The following FBF1 variants were observed in gnomAD, a reference collection of about 807,000 sequenced individuals.
FBF1 encodes Fas binding factor 1.
In FBF1, 119 loss-of-function variants were observed where a neutral mutation model predicts 147.2. The ratio of observed to expected loss-of-function variants is 0.81; its 90% confidence interval spans 0.70 to 0.94. The LOEUF (loss-of-function observed/expected upper bound fraction) is 0.94, where lower values mean the gene tolerates loss of function less well. FBF1 is among the 40% of genes least tolerant of loss of function. The pLI, the probability that FBF1 is intolerant of heterozygous loss-of-function variation, is 0.00. For synonymous variants in FBF1, 601 were observed against 609.0 expected, an observed-to-expected ratio of 0.99 and a Z score of 0.19; for missense variants, 1,449 against 1,500.8, an observed-to-expected ratio of 0.97 and a Z score of 0.57.
chr17:75,930,943 A>C (rs772072523), intron 6 of FBF1, among the ~76,000 whole-genome samples: 16 of 152,016 alleles, frequency 1.1e-4, no homozygotes, highest in Non-Finnish European at 2.4e-4. Context: ...ACAACAACAA[A>C]AATTAGCCAG....
intron 5 of FBF1, 59 bp from the exon 6 acceptor site, chr17:75,931,348 A>C: frequency 6.8e-7 from 1 of 1,474,832 alleles, no homozygotes; most frequent in South Asian, 1.2e-5. Flanking sequence ...GACTCTAAAA[A>C]GGGGAGGAGT....
At position 75,923,687 on chromosome 17, in the gene FBF1, C is replaced by A. The variant is rs144058298; in HGVS notation, c.969-46G>T. ...TGTCAGGCAGGGGAAACAGCCAGTC[C>A]CAGTGGCCCCCTAGCAGCCTGCAGC... is the stretch of plus-strand genomic sequence containing the variant. On this transcript the variant is annotated intron_variant, in intron 13 of 29. Coordinates refer to ENST00000636174, the MANE Select transcript of FBF1 (RefSeq NM_001319193.2). This position sits in a 1 kb window ranked among gnomAD's most constrained non-coding sequence, Gnocchi z 4.1. The A allele has an allele frequency of 6.0e-4, 898 of 1,502,048 alleles. 5 individuals carry two copies. The African/African-American group carries it at 0.011, about 19-fold the overall frequency. The allele number at this position is 1,502,048 out of a possible 1,614,324, so 93.0% of individuals were successfully genotyped here.
At chr17:75,914,588 G>A in intron 25 of FBF1, 159 bp downstream of exon 25, 4 of 836,624 alleles carry the variant, frequency 4.8e-6, no homozygotes, top group Non-Finnish European at 7.2e-6. Flanking sequence ...GACAATACGA[G>A]GAAGATGTTA....
chr17:75,928,086 G>A lies in FBF1; in HGVS notation c.387C>T (p.Pro129=), dbSNP rs748032965. 6.2e-7 allele frequency: 1 copy of A among 1,613,282 alleles called. No homozygotes were observed. Among genetic ancestry groups the A allele is most frequent in the Non-Finnish European group, 8.5e-7 (1 of 1,179,734 alleles). Residue 129 remains proline (P), a synonymous_variant, in exon 8 of 30, where the codon CCC becomes CCT. Transcript: ENST00000636174. This position sits in a 1 kb window ranked among gnomAD's most constrained non-coding sequence, Gnocchi z 4.2. ...TGGCTACTGACCCACCTGCAGGCTTGGGGTGGTTGGGCAGCTCTCCTTTCC... is the reference window on the plus strand; with the variant it reads ...TGGCTACTGACCCACCTGCAGGCTTAGGGTGGTTGGGCAGCTCTCCTTTCC... ...DPGKGELPNH[P]KPAGGAIPTK...
intron 7 of FBF1, 52 bp downstream of exon 7, chr17:75,929,945 A>AGGGGGGCCCCCCCCCCC: frequency 4.6e-6 from 3 of 650,898 alleles, no homozygotes; most frequent in East Asian, 2.8e-5. Flanking sequence ...AAATATCATG[A>AGGGGGGCCCCCCCCCCC]CCCCACCCCA....
In FBF1 at chr17:75,925,439, T is replaced by C. The variant is rs2065554510; in HGVS notation, c.876A>G (p.Glu292=). Residue 292 remains glutamate (E), a synonymous_variant, in exon 13 of 30, where the codon GAA becomes GAG. Coordinates refer to ENST00000636174, the MANE Select transcript of FBF1 (RefSeq NM_001319193.2). The surrounding 1 kb of genome is among the most constrained non-coding windows in gnomAD (Gnocchi z 5.0). ...DKKYQRPQDS[E]DMWGDEDFTF... The stretch of plus-strand genomic sequence containing the variant: ...TGAAGTCCTCGTCACCCCACATATC[T>C]TCACTGTCTGTGAATTAAGGAGCCT... 6.2e-7 allele frequency: 1 copy of C among 1,612,930 alleles called. No homozygotes were observed. Among genetic ancestry groups the C allele is most frequent in the African/African-American group, 1.3e-5 (1 of 74,988 alleles).
intron 5 of FBF1, among the ~76,000 whole-genome samples, chr17:75,931,719 G>A (rs2065595547): frequency 6.6e-6 from 1 of 151,946 alleles, no homozygotes; most frequent in African/African-American, 2.4e-5. Context: ...GGAGGTGGAG[G>A]CTGCAATGAG....
rs1204995313 is a variant in FBF1, at chr17:75,925,392, G to A, written c.923C>T (p.Thr308Ile). 1.9e-6 allele frequency: 3 copies of A among 1,613,560 alleles called. No individual in the cohort carries two copies. Among genetic ancestry groups the A allele is most frequent in the South Asian group, 1.1e-5 (1 of 91,076 alleles). The change falls in exon 13 of 30, where the codon ACT (threonine) becomes ATT (isoleucine). Residue 308 changes from threonine to isoleucine, a missense_variant. Thr to Ile is a moderately conservative substitution (Grantham distance 89, BLOSUM62 -1). Transcript: ENST00000636174. The surrounding 1 kb of genome is among the most constrained non-coding windows in gnomAD (Gnocchi z 5.0). The stretch of plus-strand genomic sequence containing the variant: ...CTGCCGGCCCTCAGAGGAGACCACA[G>A]TGGGCTGATAGGCTCCAAAGGTGAA... ...EDFTFGAYQP[T>I]VVSSEGRQSR... is the part of the protein sequence containing the mutation.
rs989628746 is a variant in FBF1 at position 75,925,884 on chromosome 17, T to C, written c.868+146A>G. On this transcript the variant is annotated intron_variant, in intron 12 of 29. Transcript: ENST00000636174. The surrounding 1 kb of genome is among the most constrained non-coding windows in gnomAD (Gnocchi z 5.0). The stretch of plus-strand genomic sequence containing the variant: ...GGTCACGGTAAGTATTATTTCACGG[T>C]AAGTATTATTTTGTCTCAGCTATAG... 3 of 1,178,664 alleles carry C rather than the reference T, an allele frequency of 2.5e-6. No homozygotes were observed. Among genetic ancestry groups the C allele is most frequent in the Non-Finnish European group, 2.3e-6 (2 of 870,220 alleles). 73.0% of individuals were successfully genotyped at this position (1,178,664 alleles called of 1,614,324 possible). A position where few individuals can be genotyped will look rare whatever the true frequency, so the allele number is the denominator to read the frequency against.
intron 1 of FBF1, among the ~76,000 whole-genome samples, chr17:75,939,456 C>T (rs947080786): frequency 6.6e-6 from 1 of 152,152 alleles, no homozygotes; most frequent in Non-Finnish European, 1.5e-5. Context: ...GTGCCTGGCA[C>T]CAAGGCTGAA....
chr17:75,921,292 C>T lies in FBF1; in HGVS notation c.1626G>A (p.Thr542=), dbSNP rs1459004293. 21 of 1,591,760 alleles carry T rather than the reference C, an allele frequency of 1.3e-5. No individual in the cohort carries two copies. Among genetic ancestry groups the T allele is most frequent in the Non-Finnish European group, 1.5e-5 (18 of 1,169,132 alleles). ...TGGGTTTCTGGGTGCTCGGGAAACA[C>T]GTGGCAGGCTCTGAAACATCAACAA... ...PGDLSATEPA[T]CFPSTQKPTE... The change falls in exon 17 of 30, where the codon ACG becomes ACA. Residue 542 remains threonine, a synonymous_variant. Transcript: ENST00000636174.
Position 75,915,074 on chromosome 17 carries a change from T to C in FBF1, c.2571A>G (p.Gln857=). 4.3e-6 allele frequency: 7 copies of C among 1,613,396 alleles called. No homozygotes were observed. Among genetic ancestry groups the C allele is most frequent in the Non-Finnish European group, 5.9e-6 (7 of 1,179,862 alleles). The part of the protein sequence containing the change: ...AESMQRALEE[Q]RKVTAQQMAM... ...CCATCTGCTGGGCCGTGACCTTCCT[T>C]TGCTCCTCTAGGGCGCGCTGCATGG... The change falls in exon 24 of 30, where the codon CAA becomes CAG. Residue 857 remains glutamine (Q), a synonymous_variant. Transcript: ENST00000636174.
chr17:75,928,838 AAAAT>A lies in FBF1; in HGVS notation c.280-649_280-646del, dbSNP rs1208775368. ...AATAAAAATAAATTAAAAATAAAAT[AAAAT>A]AAAGACAGAGTCTCACTCTGTCACC... On this transcript the variant is annotated intron_variant, in intron 7 of 29. Coordinates refer to ENST00000636174, the MANE Select transcript of FBF1 (RefSeq NM_001319193.2). This position sits in a 1 kb window ranked among gnomAD's most constrained non-coding sequence, Gnocchi z 4.2. Among the ~76,000 whole-genome samples the A allele has an allele frequency of 1.3e-5, 2 of 151,986 alleles. No individual in the cohort carries two copies. Among genetic ancestry groups the A allele is most frequent in the African/African-American group, 2.4e-5 (1 of 41,412 alleles).
Position 75,925,956 on chromosome 17 carries a change from A to T in FBF1, c.868+74T>A. 1 of 1,500,900 alleles carries T rather than the reference A, an allele frequency of 6.7e-7. No individual in the cohort carries two copies. The allele number at this position is 1,500,900 out of a possible 1,614,324, so 93.0% of individuals were successfully genotyped here. A position where few individuals can be genotyped will look rare whatever the true frequency, so the allele number is the denominator to read the frequency against. ...TATCAGGATGTGAGGCTGATTTCTC[A>T]TTATAGGTTGTGATGAAAGCCTGAT... On this transcript the variant is annotated intron_variant, in intron 12 of 29. Transcript: ENST00000636174. This position sits in a 1 kb window ranked among gnomAD's most constrained non-coding sequence, Gnocchi z 5.0.
At chr17:75,921,827 G>A in intron 15 of FBF1, 118 bp downstream of exon 15, 1 of 904,724 alleles carries the variant, frequency 1.1e-6, no homozygotes, top group Non-Finnish European at 1.7e-6. Context: ...CAGCCTCTGT[G>A]TGGGACACGG....
intron 5 of FBF1, 92 bp downstream of exon 5, chr17:75,932,903 G>C (rs527698383): frequency 5.5e-6 from 4 of 723,220 alleles, no homozygotes; most frequent in Non-Finnish European, 6.3e-6. Flanking sequence ...AAAAAATGGC[G>C]AGCAAATGTG....
intron 23 of FBF1, among the ~76,000 whole-genome samples, chr17:75,916,308 A>AC (rs2065488796): frequency 6.8e-6 from 1 of 147,724 alleles, no homozygotes; most frequent in African/African-American, 2.5e-5. Context: ...TGACAGTGAG[A>AC]CCCCATCTCT....
chr17:75,935,669 G>A lies in FBF1; in HGVS notation c.36C>T (p.Ser12=). The change falls in exon 4 of 30, where the codon TCC becomes TCT. Residue 12 remains serine, a synonymous_variant. Transcript: ENST00000636174. ...GAAGGTCACCAAGAAAATCATCAAT[G>A]GAGCCTGGAACAGAAAAGGGACTGT... is the stretch of plus-strand genomic sequence containing the variant. ...APKTKKGCKG[S]IDDFLGDLLG... 6.5e-7 allele frequency: 1 copy of A among 1,536,998 alleles called. No individual in the cohort carries two copies. Among genetic ancestry groups the A allele is most frequent in the Non-Finnish European group, 8.7e-7 (1 of 1,146,814 alleles).
chr17:75,915,034 C>A lies in FBF1; in HGVS notation c.2611G>T (p.Glu871Ter). 1.2e-6 allele frequency: 2 copies of A among 1,613,550 alleles called. No individual in the cohort carries two copies. The highest frequency in any genetic ancestry group is 1.7e-6 in the Non-Finnish European group (2 of 1,179,856). Residue 871 changes from glutamate to a stop codon, truncating the protein, a stop_gained, in exon 24 of 30, where the codon GAG becomes TAG. Transcript: ENST00000636174. LOFTEE classifies it high-confidence loss of function. ...TGACTCACCTTGGCCCGTTCCAGCT[C>A]CGCCCTTTCCATGGCCATCTGCTGG... The part of the protein sequence containing the change: ...TAQQMAMERA[E>*]LERAKSALLE...
Sources: allele counts gnomAD v4.1 joint callset (sites outside exome capture counted in the v4.1 genomes callset), GRCh38; gene constraint gnomAD v4.1.1; non-coding constraint Gnocchi (gnomAD v3.1); transcripts MANE v1.5; gene names NCBI Gene and HGNC (gene_info 2026-07-23, HGNC 2026-07-21).